Variants in KCNIP1 observed in about 807,000 individuals in gnomAD.
KCNIP1 encodes the protein potassium voltage-gated channel interacting protein 1, also known as A-type potassium channel modulatory protein KCNIP1.
KCNIP1 carries 18 observed loss-of-function variants against 33.0 expected under a neutral mutation model. That is an observed-to-expected ratio of 0.55 (90% CI 0.38 to 0.81). The LOEUF is 0.81. KCNIP1 is among the 30% of genes least tolerant of loss of function. The pLI, the probability that KCNIP1 is intolerant of heterozygous loss-of-function variation, is 0.00. For missense variants in KCNIP1, 238 were observed against 271.6 expected (o/e 0.88, Z 0.87); for synonymous variants, 93 against 98.3 (o/e 0.95, Z 0.32).
intron 1 of KCNIP1, among the ~76,000 whole-genome samples, chr5:170,718,074 CTTATA>C (rs1388121317): frequency 1.3e-5 from 2 of 152,184 alleles, no homozygotes; most frequent in Non-Finnish European, 2.9e-5. Context: ...CTAATGCAAT[CTTATA>C]TTACATTATA....
chr5:170,458,817 C>G (rs77929816), intron 1 of KCNIP1, among the ~76,000 whole-genome samples: 1 of 152,018 alleles, frequency 6.6e-6, no homozygotes, highest in Non-Finnish European at 1.5e-5. Context: ...ACAAGGTATA[C>G]GGACAACAAA....
chr5:170,512,771 C>G (rs747112472), intron 1 of KCNIP1, among the ~76,000 whole-genome samples: 3 of 152,178 alleles, frequency 2.0e-5, no homozygotes, highest in Non-Finnish European at 4.4e-5. Flanking sequence ...GAGTCCCGGC[C>G]AGGCGCGGTG....
At chr5:170,605,770 CTTTT>C (rs766469605) in intron 1 of KCNIP1, among the ~76,000 whole-genome samples, 3 of 102,326 alleles carry the variant, frequency 2.9e-5, no homozygotes, top group Middle Eastern at 6.3e-3. Flanking sequence ...CAACCCTGTT[CTTTT>C]TTTTTTTTTT....
At chr5:170,532,363 G>A (rs1194150229) in intron 1 of KCNIP1, among the ~76,000 whole-genome samples, 1 of 152,162 alleles carries the variant, frequency 6.6e-6, no homozygotes, top group Non-Finnish European at 1.5e-5. Flanking sequence ...GTTTCTGCTG[G>A]TGCTTTTGTT....
intron 1 of KCNIP1, among the ~76,000 whole-genome samples, chr5:170,602,094 C>A (rs577428900): frequency 3.7e-4 from 56 of 152,318 alleles, no homozygotes; most frequent in South Asian, 8.3e-4. Flanking sequence ...CACATGCCAA[C>A]CTTTCTGTGA....
intron 1 of KCNIP1, among the ~76,000 whole-genome samples, chr5:170,653,090 A>G (rs1299858555): frequency 6.6e-6 from 1 of 152,212 alleles, no homozygotes; most frequent in African/African-American, 2.4e-5. Context: ...CACTCACCCC[A>G]AAGGAAAGGA....
chr5:170,669,570 C>CA, intron 1 of KCNIP1: 1 of 985,222 alleles, frequency 1.0e-6, no homozygotes, highest in Middle Eastern at 5.2e-4. Context: ...CTTCCAGCAG[C>CA]AGGGGATGGA....
At chr5:170,369,827 T>C (rs1211591979) in intron 1 of KCNIP1, among the ~76,000 whole-genome samples, 1 of 152,192 alleles carries the variant, frequency 6.6e-6, no homozygotes. Context: ...GGCCAGGAGG[T>C]TGGCCTACCT....
At chr5:170,698,831 GAGCCT>G (rs1369071965) in intron 1 of KCNIP1, among the ~76,000 whole-genome samples, 23 of 152,306 alleles carry the variant, frequency 1.5e-4, no homozygotes, top group Middle Eastern at 6.8e-3. Context: ...AATCTGACAA[GAGCCT>G]TGTAAAGTAG....
chr5:170,734,165 T>C (rs879280811), intron 7 of KCNIP1, among the ~76,000 whole-genome samples: 3 of 151,658 alleles, frequency 2.0e-5, no homozygotes, highest in Non-Finnish European at 4.4e-5. Flanking sequence ...TCTGTGAAAA[T>C]AGACTTCCCG....
intron 1 of KCNIP1, among the ~76,000 whole-genome samples, chr5:170,708,684 G>T (rs1763344520): frequency 6.6e-6 from 1 of 152,174 alleles, no homozygotes; most frequent in African/African-American, 2.4e-5. Flanking sequence ...CAGGAGGATT[G>T]CTTGAGTTTG....
intron 1 of KCNIP1, among the ~76,000 whole-genome samples, chr5:170,418,992 G>T (rs1755407254): frequency 6.6e-6 from 1 of 152,242 alleles, no homozygotes; most frequent in Non-Finnish European, 1.5e-5. Flanking sequence ...TTCTTTGAGG[G>T]CAGTAACCTT....
At chr5:170,720,995 C>G (rs1763800045) in intron 3 of KCNIP1, among the ~76,000 whole-genome samples, 1 of 152,262 alleles carries the variant, frequency 6.6e-6, no homozygotes, top group Non-Finnish European at 1.5e-5. Context: ...CTGTGGGAAC[C>G]AGCTGTGTCC....
intron 1 of KCNIP1, among the ~76,000 whole-genome samples, chr5:170,534,320 G>C (rs1438623180): frequency 6.6e-6 from 1 of 152,122 alleles, no homozygotes; most frequent in Non-Finnish European, 1.5e-5. Context: ...GGAACGTAAG[G>C]TGTCAGAGCC....
chr5:170,363,218 T>C (rs1277348667), intron 1 of KCNIP1, among the ~76,000 whole-genome samples: 1 of 152,228 alleles, frequency 6.6e-6, no homozygotes, highest in South Asian at 2.1e-4. Flanking sequence ...GAAAAGGTCA[T>C]GTGCAAACAC....
At chr5:170,469,408 A>T (rs1756675297) in intron 1 of KCNIP1, among the ~76,000 whole-genome samples, 2 of 152,176 alleles carry the variant, frequency 1.3e-5, no homozygotes, top group African/African-American at 4.8e-5. Context: ...CAAACAAACA[A>T]ACAAAAAACA....
At chr5:170,595,500 A>G (rs1226703013) in intron 1 of KCNIP1, among the ~76,000 whole-genome samples, 3 of 152,206 alleles carry the variant, frequency 2.0e-5, no homozygotes, top group Admixed American at 6.5e-5. Flanking sequence ...GCTGGAAGGA[A>G]GGGCTCCCTG....
chr5:170,643,884 C>A (rs780170416), intron 1 of KCNIP1, among the ~76,000 whole-genome samples: 8 of 152,230 alleles, frequency 5.3e-5, no homozygotes, highest in Non-Finnish European at 1.2e-4. Flanking sequence ...CAGCCCCTCT[C>A]AAGTGGTCCT....
chr5:170,451,960 G>A (rs1756265048), intron 1 of KCNIP1, among the ~76,000 whole-genome samples: 1 of 149,852 alleles, frequency 6.7e-6, no homozygotes, highest in Non-Finnish European at 1.5e-5. Flanking sequence ...CCCTGCCCAG[G>A]CCTGGGCTGG....
Sources: allele counts gnomAD v4.1 joint callset (sites outside exome capture counted in the v4.1 genomes callset), GRCh38; gene constraint gnomAD v4.1.1; transcripts MANE v1.5; gene names NCBI Gene and HGNC (gene_info 2026-07-23, HGNC 2026-07-21).